Variants in ZRANB3 observed in about 807,000 individuals in gnomAD.
ZRANB3 encodes zinc finger RANBP2-type containing 3.
ZRANB3 carries 125 observed loss-of-function variants against 133.8 expected under a neutral mutation model. The ratio of observed to expected loss-of-function variants is 0.93; its 90% CI spans 0.81 to 1.08. The LOEUF (loss-of-function observed/expected upper bound fraction) is 1.08, where lower values mean the gene tolerates loss of function less well. ZRANB3 is among the 50% of genes least tolerant of loss of function. The probability of loss-of-function intolerance (pLI) is 0.00; values close to 1 mark genes in which losing one functional copy is unlikely to be tolerated. For missense variants in ZRANB3, 1,229 were observed against 1,275.5 expected (o/e 0.96, Z 0.56); for synonymous variants, 387 against 432.7 (o/e 0.89, Z 1.31).
intron 2 of ZRANB3, among the ~76,000 whole-genome samples, chr2:135,418,620 G>C (rs1688693489): frequency 6.6e-6 from 1 of 152,120 alleles, no homozygotes; most frequent in Admixed American, 6.6e-5. Context: ...CTTATATATG[G>C]GTGGTACTTA....
At chr2:135,210,482 C>G (rs924015344) in intron 17 of ZRANB3, among the ~76,000 whole-genome samples, 5 of 152,138 alleles carry the variant, frequency 3.3e-5, no homozygotes, top group Non-Finnish European at 7.4e-5. Flanking sequence ...CGAGCACGCA[C>G]CACCATGCTT....
intron 12 of ZRANB3, among the ~76,000 whole-genome samples, chr2:135,231,749 C>CT (rs1438318285): frequency 6.6e-6 from 1 of 151,984 alleles, no homozygotes; most frequent in Non-Finnish European, 1.5e-5. Flanking sequence ...GATTGTGCCA[C>CT]TGCACTTCAG....
intron 8 of ZRANB3, among the ~76,000 whole-genome samples, chr2:135,282,641 T>C (rs997766365): frequency 1.3e-5 from 2 of 152,168 alleles, no homozygotes; most frequent in Non-Finnish European, 2.9e-5. Context: ...CTCTAATACA[T>C]TTAATCTTTT....
At chr2:135,270,607 G>A (rs1558876031) in intron 10 of ZRANB3, among the ~76,000 whole-genome samples, 1 of 152,112 alleles carries the variant, frequency 6.6e-6, no homozygotes, top group African/African-American at 2.4e-5. Flanking sequence ...GGCTGGAACA[G>A]TCTAACAGAT....
chr2:135,413,077 A>T (rs1226839603), intron 2 of ZRANB3, among the ~76,000 whole-genome samples: 1 of 152,180 alleles, frequency 6.6e-6, no homozygotes, highest in Non-Finnish European at 1.5e-5. Flanking sequence ...CTAGTTTTTC[A>T]AAGTTATAAC....
chr2:135,367,007 C>T (rs1297579604), intron 3 of ZRANB3, among the ~76,000 whole-genome samples: 3 of 152,028 alleles, frequency 2.0e-5, no homozygotes, highest in South Asian at 4.1e-4. Flanking sequence ...GGCGACAGAG[C>T]GAGACTCCAT....
rs142493997 is a variant in ZRANB3, at chr2:135,409,955, T to C, written c.162-19135A>G. On this transcript the variant is annotated intron_variant, in intron 2 of 20. Transcript: ENST00000264159. The stretch of plus-strand genomic sequence containing the variant: ...AGGAAAGATCTCTATAAGGAGAACT[T>C]TGTATGAAACACTGATGAAAGAAAT... Among the ~76,000 whole-genome samples, 34 of 152,140 alleles carry C rather than the reference T, an allele frequency of 2.2e-4. No homozygotes were observed. The East Asian group carries it at 6.0e-3, about 27-fold the overall frequency.
At chr2:135,440,813 T>C (rs1689747917) in intron 2 of ZRANB3, among the ~76,000 whole-genome samples, 1 of 152,216 alleles carries the variant, frequency 6.6e-6, no homozygotes, top group African/African-American at 2.4e-5. Flanking sequence ...CATTTTAAGC[T>C]ACTAAGTTTG....
chr2:135,361,755 A>T (rs969359270), intron 3 of ZRANB3, among the ~76,000 whole-genome samples: 1 of 152,248 alleles, frequency 6.6e-6, no homozygotes, highest in South Asian at 2.1e-4. Context: ...AAACCCGCAT[A>T]AAGAAATAGC....
At chr2:135,257,535 T>C (rs1679721584) in intron 12 of ZRANB3, among the ~76,000 whole-genome samples, 1 of 152,242 alleles carries the variant, frequency 6.6e-6, no homozygotes, top group Non-Finnish European at 1.5e-5. Context: ...TGCATCATTT[T>C]ACATTCCAAT....
chr2:135,366,932 A>C (rs185066422), intron 3 of ZRANB3, among the ~76,000 whole-genome samples: 51 of 152,084 alleles, frequency 3.4e-4, no homozygotes, highest in African/African-American at 1.2e-3. Context: ...GAGGCAGGAG[A>C]ATGGCGTCAA....
chr2:135,356,012 T>C (rs1352201200), intron 3 of ZRANB3, among the ~76,000 whole-genome samples: 1 of 152,174 alleles, frequency 6.6e-6, no homozygotes, highest in East Asian at 1.9e-4. Context: ...TTGCACTTCA[T>C]GTATGACTAA....
At chr2:135,200,538 G>A (rs1212609671) in intron 20 of ZRANB3, 98 bp from the exon 21 acceptor site, 2 of 973,458 alleles carry the variant, frequency 2.1e-6, no homozygotes, top group African/African-American at 1.6e-5. Context: ...AAAATCTACA[G>A]TCACTACACC....
At chr2:135,332,423 T>A (rs1016322251) in intron 6 of ZRANB3, among the ~76,000 whole-genome samples, 12 of 152,186 alleles carry the variant, frequency 7.9e-5, no homozygotes, top group African/African-American at 2.7e-4. Flanking sequence ...CTATGTCTTA[T>A]TCATCTTTGT....
chr2:135,420,439 A>G (rs375814661), intron 2 of ZRANB3, among the ~76,000 whole-genome samples: 36 of 152,218 alleles, frequency 2.4e-4, no homozygotes, highest in African/African-American at 7.7e-4. Context: ...AACTTAGTCT[A>G]TGGTGAGGTA....
chr2:135,311,698 T>A (rs1682985161), intron 8 of ZRANB3, among the ~76,000 whole-genome samples: 1 of 152,126 alleles, frequency 6.6e-6, no homozygotes, highest in African/African-American at 2.4e-5. Flanking sequence ...TGCAGTGAGC[T>A]ATGATTGTGG....
At chr2:135,441,497 T>C (rs931088649) in intron 2 of ZRANB3, among the ~76,000 whole-genome samples, 3 of 152,044 alleles carry the variant, frequency 2.0e-5, no homozygotes, top group African/African-American at 7.2e-5. Context: ...CAACGGTAAA[T>C]ATTTAAGTAT....
At chr2:135,425,703 G>A (rs1042433044) in intron 2 of ZRANB3, among the ~76,000 whole-genome samples, 2 of 152,030 alleles carry the variant, frequency 1.3e-5, no homozygotes, top group Non-Finnish European at 2.9e-5. Context: ...AGTGTTAAGA[G>A]GGAAGTTTAC....
chr2:135,394,981 C>T (rs1220467665), intron 2 of ZRANB3, among the ~76,000 whole-genome samples: 1 of 144,734 alleles, frequency 6.9e-6, no homozygotes, highest in Non-Finnish European at 1.5e-5. Context: ...AAAAAGTACA[C>T]TCTTCACAGA....
Sources: allele counts gnomAD v4.1 joint callset (sites outside exome capture counted in the v4.1 genomes callset), GRCh38; gene constraint gnomAD v4.1.1; transcripts MANE v1.5; gene names NCBI Gene and HGNC (gene_info 2026-07-23, HGNC 2026-07-21).